The following KCTD8 variants were observed in gnomAD, a reference collection of about 807,000 sequenced individuals.
The protein encoded by KCTD8 is BTB/POZ domain-containing protein KCTD8.
A neutral mutation model predicts 31.5 loss-of-function variants in KCTD8; 27 were observed. That is an observed-to-expected ratio of 0.86 (90% CI 0.63 to 1.18). The LOEUF (loss-of-function observed/expected upper bound fraction) is 1.18, where lower values mean the gene tolerates loss of function less well. KCTD8 is among the 50% of genes most tolerant of loss of function. The pLI, the probability that KCTD8 is intolerant of heterozygous loss-of-function variation, is 0.00. For missense variants in KCTD8, 658 were observed against 647.7 expected (o/e 1.02, Z -0.17); for synonymous variants, 290 against 280.0 (o/e 1.04, Z -0.36).
At chr4:44,279,199 C>A (rs1192170875) in intron 1 of KCTD8, among the ~76,000 whole-genome samples, 4 of 152,034 alleles carry the variant, frequency 2.6e-5, no homozygotes, top group South Asian at 2.1e-4. Flanking sequence ...CAATAAAATT[C>A]ATTTATTATC....
chr4:44,373,365 A>G (rs1719840073), intron 1 of KCTD8, among the ~76,000 whole-genome samples: 1 of 151,840 alleles, frequency 6.6e-6, no homozygotes, highest in Non-Finnish European at 1.5e-5. Flanking sequence ...GTCTCAAAAA[A>G]AAAAAGGCCA....
chr4:44,237,782 G>A (rs1427711999), intron 1 of KCTD8, among the ~76,000 whole-genome samples: 1 of 152,056 alleles, frequency 6.6e-6, no homozygotes, highest in African/African-American at 2.4e-5. Flanking sequence ...CTGCCCACTT[G>A]GTTTGAGGAG....
chr4:44,182,847 A>G (rs1713470263), intron 1 of KCTD8, among the ~76,000 whole-genome samples: 1 of 152,264 alleles, frequency 6.6e-6, no homozygotes, highest in Admixed American at 6.5e-5. Context: ...CAAGTTGCTT[A>G]CTTTCCTTGG....
intron 1 of KCTD8, among the ~76,000 whole-genome samples, chr4:44,209,581 G>A (rs562464461): frequency 6.6e-6 from 1 of 151,600 alleles, no homozygotes; most frequent in Non-Finnish European, 1.5e-5. Context: ...TTGATTGATT[G>A]ATTGACTGAT....
At chr4:44,427,047 T>C (rs188022280) in intron 1 of KCTD8, among the ~76,000 whole-genome samples, 16 of 151,720 alleles carry the variant, frequency 1.1e-4, no homozygotes, top group Non-Finnish European at 1.9e-4. Flanking sequence ...AGAGAAAGCA[T>C]ATAATTATTT....
At chr4:44,376,111 C>T (rs143627683) in intron 1 of KCTD8, among the ~76,000 whole-genome samples, 80 of 152,268 alleles carry the variant, frequency 5.3e-4, no homozygotes, top group African/African-American at 1.7e-3. Flanking sequence ...TTCCCTCACA[C>T]GCTACTTGAT....
chr4:44,385,076 C>CA (rs1173003537), intron 1 of KCTD8, among the ~76,000 whole-genome samples: 1 of 151,128 alleles, frequency 6.6e-6, no homozygotes, highest in Non-Finnish European at 1.5e-5. Flanking sequence ...AGAAGAACAA[C>CA]AAAAAAATTG....
Position 44,210,232 on chromosome 4 carries a change from C to T in KCTD8, c.962-34982G>A, listed in dbSNP as rs115064752. ...TGAGTGTCTTCAGTAAATATGAATC[C>T]TTTAAAATTTTTGGAAGTCAGATTA... On this transcript the variant is annotated intron_variant, in intron 1 of 1. Transcript: ENST00000360029. 4.4e-3 allele frequency among the ~76,000 whole-genome samples: 667 copies of T among 152,234 alleles called. 8 individuals carry two copies. Among genetic ancestry groups the T allele is most frequent in the African/African-American group, 0.016 (645 of 41,558 alleles).
At chr4:44,367,921 T>A (rs1719685238) in intron 1 of KCTD8, among the ~76,000 whole-genome samples, 1 of 152,108 alleles carries the variant, frequency 6.6e-6, no homozygotes, top group African/African-American at 2.4e-5. Flanking sequence ...AACTTTTTCT[T>A]CAAAAAATCT....
At chr4:44,374,450 G>C (rs533983804) in intron 1 of KCTD8, among the ~76,000 whole-genome samples, 1 of 152,130 alleles carries the variant, frequency 6.6e-6, no homozygotes, top group Admixed American at 6.6e-5. Context: ...TCACTAATAA[G>C]GTTGTTACAC....
At chr4:44,236,193 C>A (rs1467748606) in intron 1 of KCTD8, among the ~76,000 whole-genome samples, 2 of 152,204 alleles carry the variant, frequency 1.3e-5, no homozygotes, top group Admixed American at 1.3e-4. Context: ...AATACCCTCA[C>A]CTCATCATTC....
At chr4:44,281,918 C>T (rs974645737) in intron 1 of KCTD8, among the ~76,000 whole-genome samples, 7 of 152,002 alleles carry the variant, frequency 4.6e-5, no homozygotes, top group African/African-American at 1.7e-4. Context: ...AGTTCTAGGA[C>T]TCTATTTCAT....
chr4:44,397,114 T>G (rs560115565), intron 1 of KCTD8, among the ~76,000 whole-genome samples: 1 of 152,286 alleles, frequency 6.6e-6, no homozygotes, highest in South Asian at 2.1e-4. Flanking sequence ...CTCAGGTTCT[T>G]AAGTTAACTA....
chr4:44,421,479 G>A (rs11931753), intron 1 of KCTD8, among the ~76,000 whole-genome samples: 19,916 of 152,070 alleles, frequency 0.13, 2,628 homozygotes, highest in African/African-American at 0.33. Context: ...GCAGAGCCCA[G>A]ACATATGAAC....
At chr4:44,313,779 G>C (rs564529272) in intron 1 of KCTD8, among the ~76,000 whole-genome samples, 1 of 152,272 alleles carries the variant, frequency 6.6e-6, no homozygotes, top group Admixed American at 6.5e-5. Context: ...AGACAGAATA[G>C]GCACAGGATG....
At chr4:44,202,918 A>G (rs59521453) in intron 1 of KCTD8, among the ~76,000 whole-genome samples, 18,224 of 152,196 alleles carry the variant, frequency 0.12, 1,397 homozygotes, top group East Asian at 0.25. Flanking sequence ...AAATATTAGC[A>G]CACACATACA....
intron 1 of KCTD8, among the ~76,000 whole-genome samples, chr4:44,192,552 T>A (rs528199294): frequency 6.6e-6 from 1 of 151,518 alleles, no homozygotes; most frequent in East Asian, 1.9e-4. Flanking sequence ...TGGTTAAACA[T>A]AGAAATCACT....
chr4:44,422,342 G>A (rs1721233241), intron 1 of KCTD8, among the ~76,000 whole-genome samples: 1 of 151,864 alleles, frequency 6.6e-6, no homozygotes, highest in African/African-American at 2.4e-5. Context: ...TATATTATTA[G>A]TGTGATTTTC....
At chr4:44,409,468 C>A (rs1720899831) in intron 1 of KCTD8, among the ~76,000 whole-genome samples, 2 of 152,004 alleles carry the variant, frequency 1.3e-5, no homozygotes, top group Admixed American at 1.3e-4. Context: ...CTGGAAGAAG[C>A]ATGGTGATGG....
Sources: gnomAD v4.1 joint callset for allele counts (sites outside exome capture counted in the v4.1 genomes callset) on GRCh38, gnomAD v4.1.1 for gene constraint, MANE v1.5 for transcripts, NCBI Gene and HGNC (gene_info 2026-07-23, HGNC 2026-07-21) for gene names.